STK3: variants seen among roughly 807,000 people sequenced by gnomAD.
The protein encoded by STK3 is serine/threonine kinase 3.
Under a neutral mutation model 58.0 loss-of-function variants are expected in STK3, and 41 were observed. That is an observed-to-expected ratio of 0.71 (90% CI 0.55 to 0.92). The LOEUF (loss-of-function observed/expected upper bound fraction) is 0.92. STK3 is among the 40% of genes least tolerant of loss of function. The probability of loss-of-function intolerance (pLI) is 0.00; values close to 1 mark genes in which losing one functional copy is unlikely to be tolerated. For synonymous variants in STK3, 170 were observed against 191.0 expected (o/e 0.89, Z 0.91); for missense variants, 479 against 602.7 (o/e 0.79, Z 2.15).
chr8:98,525,374 T>C (rs1825670617), intron 10 of STK3, among the ~76,000 whole-genome samples: 1 of 151,424 alleles, frequency 6.6e-6, no homozygotes, highest in African/African-American at 2.4e-5. Context: ...TTCACCATGA[T>C]GCAATATATC....
chr8:98,658,926 C>T (rs1038773807), intron 6 of STK3, among the ~76,000 whole-genome samples: 7 of 152,000 alleles, frequency 4.6e-5, no homozygotes, highest in Non-Finnish European at 7.4e-5. Context: ...ATACAACATG[C>T]GCTGCATTAA....
intron 6 of STK3, among the ~76,000 whole-genome samples, chr8:98,617,477 G>A (rs1333187528): frequency 1.4e-5 from 2 of 142,016 alleles, no homozygotes; most frequent in East Asian, 2.1e-4. Flanking sequence ...CAGAACTGAA[G>A]GAAATAGAGA....
At chr8:98,351,572 A>G in the STK3 span, among the ~76,000 whole-genome samples, 2 of 152,138 alleles carry the variant, frequency 1.3e-5, no homozygotes, top group Non-Finnish European at 2.9e-5. Context: ...AGAGGTTAAT[A>G]AAAGTTCTGT....
chr8:98,630,670 G>GAGAAGGAGA (rs1266768226), intron 6 of STK3, among the ~76,000 whole-genome samples: 72 of 147,396 alleles, frequency 4.9e-4, no homozygotes, highest in African/African-American at 1.7e-3. Context: ...GAAGGAGAAG[G>GAGAAGGAGA]AGGAGAAGGA....
downstream of STK3, among the ~76,000 whole-genome samples, chr8:98,450,767 C>T (rs1819162901): frequency 6.6e-6 from 1 of 152,120 alleles, no homozygotes; most frequent in Non-Finnish European, 1.5e-5. Flanking sequence ...AGGAAGGATG[C>T]CATTTCAGAA....
chr8:98,755,816 T>C (rs764377436), intron 3 of STK3, among the ~76,000 whole-genome samples: 4 of 152,186 alleles, frequency 2.6e-5, no homozygotes, highest in Non-Finnish European at 5.9e-5. Flanking sequence ...CTTTCCATTT[T>C]ATCCTCAGTA....
At chr8:98,413,926 T>C (rs1217571906) in intron 3 of STK3, 1 of 419,318 alleles carries the variant, frequency 2.4e-6, no homozygotes, top group Non-Finnish European at 4.5e-6. Context: ...ATTTATTTGA[T>C]TCTGTGTGTG....
chr8:98,378,344 A>C (rs1409923071), intron 2 of STK3, among the ~76,000 whole-genome samples: 2 of 151,756 alleles, frequency 1.3e-5, no homozygotes, highest in Non-Finnish European at 2.9e-5. Flanking sequence ...GCCTCAGAAC[A>C]CTCTACTTGC....
At chr8:98,411,464 C>A (rs1175116368) in intron 3 of STK3, among the ~76,000 whole-genome samples, 1 of 152,254 alleles carries the variant, frequency 6.6e-6, no homozygotes, top group Non-Finnish European at 1.5e-5. Flanking sequence ...CTCCTTTCTT[C>A]TTCCCCTATA....
downstream of STK3, among the ~76,000 whole-genome samples, chr8:98,370,342 AGTGTGTGTGTGTGTGT>A (rs35062643): frequency 5.1e-3 from 705 of 138,624 alleles, 9 homozygotes; most frequent in African/African-American, 0.018. Flanking sequence ...TGACCTCTGC[AGTGTGTGTGTGTGTGT>A]GTGTGTGTGT....
At chr8:98,870,866 T>C (rs996821956) in intron 3 of STK3, among the ~76,000 whole-genome samples, 7 of 152,354 alleles carry the variant, frequency 4.6e-5, no homozygotes, top group Non-Finnish European at 7.3e-5. Context: ...ATTTGTCAAT[T>C]TTGGCTTTCG....
At chr8:98,680,451 A>G (rs1823547753) in intron 6 of STK3, among the ~76,000 whole-genome samples, 2 of 152,236 alleles carry the variant, frequency 1.3e-5, no homozygotes, top group African/African-American at 4.8e-5. Flanking sequence ...AACATGGAAA[A>G]TAACAAAAGC....
intron 2 of STK3, among the ~76,000 whole-genome samples, chr8:98,373,699 G>T (rs568722547): frequency 6.6e-5 from 10 of 152,234 alleles, no homozygotes; most frequent in Middle Eastern, 3.4e-3. Context: ...AATTCCTTCT[G>T]CCCAAAGACA....
intron 1 of STK3, among the ~76,000 whole-genome samples, chr8:98,893,430 G>GAAAGAAAGAAAC (rs1269297828): frequency 1.2e-4 from 6 of 51,682 alleles, no homozygotes; most frequent in Admixed American, 4.4e-4. Context: ...AGGAAAGAAA[G>GAAAGAAAGAAAC]AAAGAAAGAA....
intron 10 of STK3, among the ~76,000 whole-genome samples, chr8:98,472,434 T>G (rs1820995737): frequency 6.6e-6 from 1 of 152,206 alleles, no homozygotes; most frequent in Non-Finnish European, 1.5e-5. Context: ...AGTTTATAAT[T>G]GGCCACAGAG....
chr8:98,645,793 TATATAC>T (rs150072470), intron 6 of STK3, among the ~76,000 whole-genome samples: 2,653 of 152,070 alleles, frequency 0.017, 34 homozygotes, highest in Middle Eastern at 0.031. Flanking sequence ...TAATTATATA[TATATAC>T]ATATATAGAT....
chr8:98,630,696 G>A (rs1327430395), intron 6 of STK3, among the ~76,000 whole-genome samples: 1 of 143,334 alleles, frequency 7.0e-6, no homozygotes, highest in Non-Finnish European at 1.5e-5. Context: ...AGGAGAAGAA[G>A]GAGGAGAAGG....
intron 9 of STK3, among the ~76,000 whole-genome samples, chr8:98,531,858 T>C (rs1294351774): frequency 1.3e-5 from 2 of 152,212 alleles, no homozygotes; most frequent in Admixed American, 1.3e-4. Context: ...AACCAACCTA[T>C]GCTAGCTTCA....
chr8:98,711,059 C>T (rs1003661254), intron 4 of STK3, among the ~76,000 whole-genome samples: 5 of 152,200 alleles, frequency 3.3e-5, no homozygotes, highest in Non-Finnish European at 5.9e-5. Flanking sequence ...CAAACTCCAA[C>T]AGACCTGCAG....
Sources: gnomAD v4.1 joint callset for allele counts (sites outside exome capture counted in the v4.1 genomes callset) on GRCh38, gnomAD v4.1.1 for gene constraint, MANE v1.5 for transcripts, NCBI Gene and HGNC (gene_info 2026-07-23, HGNC 2026-07-21) for gene names.